The following ITPR2 variants were observed in gnomAD, a reference collection of about 807,000 sequenced individuals.
ITPR2 encodes the protein inositol 1,4,5-trisphosphate receptor type 2.
ITPR2 carries 207 observed loss-of-function variants against 317.1 expected under a neutral mutation model. That is an observed-to-expected ratio of 0.65 (90% confidence interval 0.58 to 0.73). The LOEUF (loss-of-function observed/expected upper bound fraction) is 0.73. ITPR2 is among the 30% of genes least tolerant of loss of function. The pLI is 0.00. For missense variants in ITPR2, 2,613 were observed against 3,284.0 expected (o/e 0.80, Z 4.99); for synonymous variants, 1,156 against 1,149.1 (o/e 1.01, Z -0.12).
At chr12:26,534,642 C>T (rs1944036351) in intron 37 of ITPR2, among the ~76,000 whole-genome samples, 1 of 152,222 alleles carries the variant, frequency 6.6e-6, no homozygotes, top group Admixed American at 6.5e-5. Flanking sequence ...GCTTCTCTCT[C>T]AAGATTTTAT....
chr12:26,391,550 CTTTTCCTTTTTTTT>C (rs1158368735), intron 54 of ITPR2, among the ~76,000 whole-genome samples: 2 of 59,890 alleles, frequency 3.3e-5, no homozygotes, highest in East Asian at 6.2e-4. Flanking sequence ...TCTTCTTCTT[CTTTTCCTTTTTTTT>C]TTTTTTTTTT....
rs565759182 is a variant in ITPR2, at chr12:26,337,250, G to A, written c.*2147C>T. ...AATGAACTATTATGGTGTCAGAAAA[G>A]GCTAGATACTTTATCATCTGAAAGA... On this transcript the variant is annotated 3_prime_UTR_variant, in exon 57 of 57. Transcript: ENST00000381340. 2.4e-4 allele frequency: 37 copies of A among 152,134 alleles called. No homozygotes were observed. Among genetic ancestry groups the A allele is most frequent in the African/African-American group, 8.7e-4 (36 of 41,504 alleles). The allele number at this position is 152,134 out of a possible 1,614,324, so 9.4% of individuals were successfully genotyped here. A position where few individuals can be genotyped will look rare whatever the true frequency, so the allele number is the denominator to read the frequency against.
intron 34 of ITPR2, among the ~76,000 whole-genome samples, chr12:26,565,973 G>A (rs144627904): frequency 9.1e-4 from 15 of 16,480 alleles, no homozygotes; most frequent in African/African-American, 1.4e-3. Flanking sequence ...AGAGGGGAGG[G>A]GAGGGGAGGG....
chr12:26,341,041 T>C (rs1938096255), intron 55 of ITPR2, among the ~76,000 whole-genome samples: 1 of 152,200 alleles, frequency 6.6e-6, no homozygotes, highest in South Asian at 2.1e-4. Context: ...GACAGATGCT[T>C]TCTTCAAGAC....
intron 23 of ITPR2, among the ~76,000 whole-genome samples, chr12:26,625,320 T>G (rs1946597239): frequency 6.6e-6 from 1 of 152,124 alleles, no homozygotes; most frequent in Non-Finnish European, 1.5e-5. Context: ...TTTTAATAAC[T>G]AAATGACTAT....
chr12:26,474,171 C>T (rs1179911559), intron 45 of ITPR2, among the ~76,000 whole-genome samples: 1 of 152,118 alleles, frequency 6.6e-6, no homozygotes, highest in African/African-American at 2.4e-5. Flanking sequence ...AATAAATCTT[C>T]CGAGAATCTG....
intron 36 of ITPR2, 109 bp downstream of exon 36, chr12:26,556,124 T>C: frequency 1.0e-6 from 1 of 981,932 alleles, no homozygotes; most frequent in Non-Finnish European, 1.5e-6. Context: ...TTTAGACCTT[T>C]CGCATACTTT....
intron 50 of ITPR2, among the ~76,000 whole-genome samples, chr12:26,416,044 A>T (rs4146367): frequency 0.88 from 134,597 of 152,206 alleles, 59,540 homozygotes; most frequent in East Asian, 0.97. Flanking sequence ...AGTATGAAAT[A>T]TAAAACTATT....
intron 37 of ITPR2, among the ~76,000 whole-genome samples, chr12:26,514,666 T>G (rs1943441455): frequency 6.6e-6 from 1 of 152,192 alleles, no homozygotes; most frequent in Non-Finnish European, 1.5e-5. Context: ...AAACACTGAC[T>G]TCATTGCATT....
At chr12:26,724,235 G>A (rs917369290) in intron 4 of ITPR2, among the ~76,000 whole-genome samples, 1 of 152,136 alleles carries the variant, frequency 6.6e-6, no homozygotes, top group African/African-American at 2.4e-5. Context: ...CATACTAATA[G>A]AAATAGAAGA....
chr12:26,654,150 G>A (rs1243441527), intron 20 of ITPR2, 24 bp from the exon 21 acceptor site: 4 of 1,512,130 alleles, frequency 2.6e-6, no homozygotes, highest in South Asian at 2.5e-5. Flanking sequence ...AAAAAGCGGG[G>A]AGGGGGAGGG....
chr12:26,362,271 T>G (rs1309258485), intron 55 of ITPR2, among the ~76,000 whole-genome samples: 4 of 152,180 alleles, frequency 2.6e-5, no homozygotes, highest in Non-Finnish European at 4.4e-5. Flanking sequence ...GCAATTTACT[T>G]CCAGCCTGAG....
chr12:26,576,367 TTC>T (rs1945276087), intron 34 of ITPR2, among the ~76,000 whole-genome samples: 1 of 152,216 alleles, frequency 6.6e-6, no homozygotes, highest in Non-Finnish European at 1.5e-5. Context: ...AAAAATTACG[TTC>T]TCTTTCTTTA....
chr12:26,406,987 CT>C, intron 52 of ITPR2, among the ~76,000 whole-genome samples: 1 of 152,294 alleles, frequency 6.6e-6, no homozygotes, highest in African/African-American at 2.4e-5. Flanking sequence ...CCATCTCTGG[CT>C]TCCAGCAGTA....
intron 45 of ITPR2, among the ~76,000 whole-genome samples, chr12:26,450,603 C>T (rs1437376393): frequency 2.6e-5 from 4 of 152,142 alleles, no homozygotes; most frequent in South Asian, 2.1e-4. Flanking sequence ...ATACTCACTA[C>T]GGCAGGTGAA....
chr12:26,745,962 T>C (rs1026676270), intron 2 of ITPR2, among the ~76,000 whole-genome samples: 1 of 152,208 alleles, frequency 6.6e-6, no homozygotes, highest in African/African-American at 2.4e-5. Flanking sequence ...ACTCCTATAA[T>C]ACTTACTATC....
At chr12:26,607,856 G>A (rs916213780) in intron 26 of ITPR2, among the ~76,000 whole-genome samples, 2 of 152,036 alleles carry the variant, frequency 1.3e-5, no homozygotes, top group Non-Finnish European at 1.5e-5. Context: ...CGAGGCAGGC[G>A]GATCACAAGG....
At chr12:26,671,633 T>C (rs1426544761) in intron 13 of ITPR2, among the ~76,000 whole-genome samples, 3 of 150,288 alleles carry the variant, frequency 2.0e-5, no homozygotes, top group Admixed American at 2.0e-4. Context: ...AGGAAGAAAC[T>C]GCATCAACTA....
chr12:26,436,300 C>G lies in ITPR2; in HGVS notation c.6690G>C (p.Gly2230=). 1 of 1,613,072 alleles carries G rather than the reference C, an allele frequency of 6.2e-7. No individual in the cohort carries two copies. Among genetic ancestry groups the G allele is most frequent in the Non-Finnish European group, 8.5e-7 (1 of 1,179,456 alleles). Residue 2230 remains glycine, a synonymous_variant, in exon 48 of 57, where the codon GGG becomes GGC. Transcript: ENST00000381340. ...FWFSRHISLW[G]SISFNLAVFI... ...ACACAGCCAGGTTGAAGGAAATGCTCCCCCAGAGAGAGATGTGCCTCGAGA... is the reference window on the plus strand; with the variant it reads ...ACACAGCCAGGTTGAAGGAAATGCTGCCCCAGAGAGAGATGTGCCTCGAGA...
Sources: gnomAD v4.1 joint callset for allele counts (sites outside exome capture counted in the v4.1 genomes callset) on GRCh38, gnomAD v4.1.1 for gene constraint, MANE v1.5 for transcripts, NCBI Gene and HGNC (gene_info 2026-07-23, HGNC 2026-07-21) for gene names.